Variants in DYNLL1 observed in about 807,000 individuals in gnomAD.
DYNLL1 encodes the protein dynein light chain LC8-type 1, also known as dynein light chain 1, cytoplasmic.
A neutral mutation model predicts 10.1 loss-of-function variants in DYNLL1; 3 were observed. The observed-to-expected ratio is 0.30, with a 90% CI of 0.14 to 0.77. DYNLL1 has a LOEUF of 0.77. Ranked by LOEUF, DYNLL1 falls within the 30% of genes least tolerant of loss-of-function variation. The probability of loss-of-function intolerance (pLI) is 0.66; values close to 1 mark genes in which losing one functional copy is unlikely to be tolerated. For missense variants in DYNLL1, 47 were observed against 111.7 expected, an observed-to-expected ratio of 0.42 and a Z score of 2.61; for synonymous variants, 46 against 41.2, an observed-to-expected ratio of 1.12 and a Z score of -0.45.
At chr12:120,496,875 G>A (rs1368175684) in intron 2 of DYNLL1, 1 of 527,664 alleles carries the variant, frequency 1.9e-6, no homozygotes, top group African/African-American at 1.9e-5. Context: ...GGGTGTTCCG[G>A]AGGGGGGAGC....
At chr12:120,478,554 T>C (rs766813159) in intron 1 of DYNLL1, among the ~76,000 whole-genome samples, 2 of 149,764 alleles carry the variant, frequency 1.3e-5, no homozygotes, top group Non-Finnish European at 3.0e-5. Context: ...GCCTAAAAAA[T>C]AAAAAGGCAA....
intron 1 of DYNLL1, among the ~76,000 whole-genome samples, chr12:120,476,985 A>T (rs1214999251): frequency 6.6e-6 from 1 of 151,040 alleles, no homozygotes; most frequent in East Asian, 1.9e-4. Flanking sequence ...GCTGGAGTGC[A>T]GTGGCACGAT....
intron 1 of DYNLL1, among the ~76,000 whole-genome samples, chr12:120,476,926 T>G (rs923490560): frequency 6.9e-6 from 1 of 145,782 alleles, no homozygotes; most frequent in Non-Finnish European, 1.5e-5. Context: ...TTTTTTGTTT[T>G]GTTTTTTTTG....
chr12:120,487,691 G>T (rs1879029250), intron 1 of DYNLL1, among the ~76,000 whole-genome samples: 1 of 152,136 alleles, frequency 6.6e-6, no homozygotes, highest in Admixed American at 6.5e-5. Context: ...GGATATAGAG[G>T]CAGGACAAAC....
chr12:120,479,635 A>G (rs1290961727), intron 1 of DYNLL1, among the ~76,000 whole-genome samples: 3 of 152,092 alleles, frequency 2.0e-5, no homozygotes, highest in Non-Finnish European at 4.4e-5. Context: ...TGAGACCTGA[A>G]GAACCAGATG....
At position 120,496,398 on chromosome 12, in the gene DYNLL1, C is replaced by CT; in HGVS notation, c.-6-18_-6-17insT. On this transcript the variant is annotated splice_polypyrimidine_tract_variant and intron_variant, in intron 1 of 2. Coordinates refer to ENST00000242577, the MANE Select transcript of DYNLL1 (RefSeq NM_003746.3). ...GCGCGGCCCAACTCAACCCCTTACC[C>CT]CAGGCCTTGCCCACTAGGTAACCAT... 1 of 1,613,912 alleles carries CT rather than the reference C, an allele frequency of 6.2e-7. No homozygotes were observed. The highest frequency in any genetic ancestry group is 8.5e-7 in the Non-Finnish European group (1 of 1,179,974).
At chr12:120,483,337 C>CA (rs77071599) in intron 1 of DYNLL1, among the ~76,000 whole-genome samples, 3,803 of 98,874 alleles carry the variant, frequency 0.038, 94 homozygotes, top group African/African-American at 0.096. Context: ...AGCTCTGTAT[C>CA]AAAAAAAAAA....
At chr12:120,489,327 C>T (rs936526935) in intron 1 of DYNLL1, among the ~76,000 whole-genome samples, 2 of 152,254 alleles carry the variant, frequency 1.3e-5, no homozygotes, top group African/African-American at 4.8e-5. Flanking sequence ...CTTAACATGG[C>T]CAAAGCAGAA....
At chr12:120,494,949 T>C (rs1437713854), upstream of DYNLL1, among the ~76,000 whole-genome samples, 1 of 152,252 alleles carries the variant, frequency 6.6e-6, no homozygotes, top group East Asian at 1.9e-4. Flanking sequence ...CTGACAATTA[T>C]TGATAAGATT....
chr12:120,490,689 T>A (rs1389780406), intron 1 of DYNLL1: 1 of 152,236 alleles, frequency 6.6e-6, no homozygotes, highest in African/African-American at 2.4e-5. Context: ...CTGCAGACAT[T>A]TTTGGTTGTT....
intron 1 of DYNLL1, among the ~76,000 whole-genome samples, chr12:120,471,670 G>A (rs963117404): frequency 6.6e-6 from 1 of 151,936 alleles, no homozygotes; most frequent in Non-Finnish European, 1.5e-5. Flanking sequence ...CAGTGCAGTG[G>A]CGTGATCTCG....
rs192848930 is a variant in DYNLL1 at position 120,483,601 on chromosome 12, A to G, written c.-6-12815A>G. ...GTTGTGGATGTGTTAGGTTTGAGAC[A>G]GATGCCTGTTAGACATCCTAGAGCT... On this transcript the variant is annotated intron_variant, in intron 1 of 2. Transcript: ENST00000392509. Among the ~76,000 whole-genome samples, 299 of 152,252 alleles carry G rather than the reference A, an allele frequency of 2.0e-3. 1 individual carries two copies. The highest frequency in any genetic ancestry group is 0.01 in the Middle Eastern group (3 of 292).
At chr12:120,482,943 C>T (rs915278376) in intron 1 of DYNLL1, among the ~76,000 whole-genome samples, 3 of 151,666 alleles carry the variant, frequency 2.0e-5, no homozygotes, top group Non-Finnish European at 2.9e-5. Context: ...AGCCAGGCAT[C>T]GGTGGCTCGT....
intron 1 of DYNLL1, among the ~76,000 whole-genome samples, chr12:120,478,839 C>G (rs111260157): frequency 0.082 from 12,213 of 149,842 alleles, 636 homozygotes; most frequent in Non-Finnish European, 0.11. Flanking sequence ...CGCCCGCCAC[C>G]ACGCCCAGCT....
intron 2 of DYNLL1, chr12:120,497,559 T>A (rs959641957): frequency 6.6e-6 from 1 of 152,460 alleles, no homozygotes; most frequent in Non-Finnish European, 1.5e-5. Flanking sequence ...TTAATTTTGA[T>A]CCGCAATCAT....
At chr12:120,495,890 T>C (rs1471602954), upstream of DYNLL1, 1 of 166,294 alleles carries the variant, frequency 6.0e-6, no homozygotes, top group Non-Finnish European at 1.3e-5. Flanking sequence ...GTGGGCCTCG[T>C]AGCGTGCGGC....
At chr12:120,483,014 G>C (rs1305613431) in intron 1 of DYNLL1, among the ~76,000 whole-genome samples, 1 of 151,992 alleles carries the variant, frequency 6.6e-6, no homozygotes, top group Admixed American at 6.6e-5. Context: ...CCAGGATCCA[G>C]CCTGGAAAAC....
intron 2 of DYNLL1, chr12:120,497,200 A>G (rs1345216598): frequency 6.4e-6 from 1 of 155,788 alleles, no homozygotes; most frequent in East Asian, 1.9e-4. Context: ...ACTCCCCTTC[A>G]TAGCTTTAAA....
At chr12:120,496,917 G>A in intron 2 of DYNLL1, 2 of 257,458 alleles carry the variant, frequency 7.8e-6, no homozygotes, top group Non-Finnish European at 1.5e-5. Context: ...GCCGGGAGGA[G>A]ATCTTGCCAG....
Sources: allele counts gnomAD v4.1 joint callset (sites outside exome capture counted in the v4.1 genomes callset), GRCh38; gene constraint gnomAD v4.1.1; transcripts MANE v1.5; gene names NCBI Gene and HGNC (gene_info 2026-07-23, HGNC 2026-07-21).